The following TUSC3 variants were observed in gnomAD, a reference collection of about 807,000 sequenced individuals.
TUSC3 encodes the protein dolichyl-diphosphooligosaccharide--protein glycosyltransferase subunit TUSC3.
Under a neutral mutation model 44.8 loss-of-function variants are expected in TUSC3, and 45 were observed. The observed-to-expected ratio is 1.00, with a 90% CI of 0.79 to 1.29. The LOEUF is 1.29. Among genes scored for constraint, TUSC3 ranks in the 50% most tolerant of loss-of-function variants. The pLI is 0.00. For missense variants in TUSC3, 519 were observed against 437.9 expected, an observed-to-expected ratio of 1.19 and a Z score of -1.65; for synonymous variants, 212 against 152.9, an observed-to-expected ratio of 1.39 and a Z score of -2.85.
the TUSC3 span, among the ~76,000 whole-genome samples, chr8:15,779,098 C>CT: frequency 0.013 from 1,440 of 111,820 alleles, 9 homozygotes; most frequent in Middle Eastern, 0.02. Flanking sequence ...CGAATGTTTT[C>CT]TTTTTTTTTT....
intron 1 of TUSC3, among the ~76,000 whole-genome samples, chr8:15,608,496 G>T (rs755828623): frequency 2.0e-5 from 3 of 152,074 alleles, no homozygotes; most frequent in Non-Finnish European, 2.9e-5. Flanking sequence ...TTTCTTCGGA[G>T]ATTTTTACCT....
chr8:15,840,088 G>A, the TUSC3 span, among the ~76,000 whole-genome samples: 2 of 152,150 alleles, frequency 1.3e-5, no homozygotes, highest in Non-Finnish European at 2.9e-5. Flanking sequence ...GGACATGGAT[G>A]AAGCTGGAAA....
At chr8:15,476,302 T>C (rs1800574613) in intron 1 of TUSC3, among the ~76,000 whole-genome samples, 1 of 152,220 alleles carries the variant, frequency 6.6e-6, no homozygotes, top group Non-Finnish European at 1.5e-5. Flanking sequence ...ATGTCTTTTT[T>C]CTTAATGTGT....
downstream of TUSC3, among the ~76,000 whole-genome samples, chr8:15,768,029 T>C (rs189415495): frequency 6.6e-6 from 1 of 152,198 alleles, no homozygotes; most frequent in Non-Finnish European, 1.5e-5. Context: ...CTTGCTGATA[T>C]TAATATTTAC....
intron 6 of TUSC3, among the ~76,000 whole-genome samples, chr8:15,683,536 T>A (rs186820349): frequency 3.5e-4 from 53 of 152,182 alleles, no homozygotes; most frequent in Admixed American, 7.2e-4. Flanking sequence ...GTATTTCAAA[T>A]TTTGGATTGC....
the TUSC3 span, among the ~76,000 whole-genome samples, chr8:15,823,009 C>T: frequency 6.6e-6 from 1 of 151,982 alleles, no homozygotes; most frequent in East Asian, 1.9e-4. Context: ...CAATACTGTC[C>T]CCATCAAAGA....
At chr8:15,838,093 G>A in the TUSC3 span, among the ~76,000 whole-genome samples, 1 of 152,118 alleles carries the variant, frequency 6.6e-6, no homozygotes, top group Non-Finnish European at 1.5e-5. Flanking sequence ...CCCTCCAGTT[G>A]TATCAATAGA....
chr8:15,826,098 CAG>C, the TUSC3 span, among the ~76,000 whole-genome samples: 2 of 152,022 alleles, frequency 1.3e-5, no homozygotes, highest in African/African-American at 2.4e-5. Context: ...GAACTGAGCT[CAG>C]AGTTTCCAGT....
At chr8:15,443,549 C>T (rs1237407672) in intron 1 of TUSC3, among the ~76,000 whole-genome samples, 1 of 152,096 alleles carries the variant, frequency 6.6e-6, no homozygotes, top group African/African-American at 2.4e-5. Flanking sequence ...ATCCATCTTG[C>T]TTCTAACCTT....
At chr8:15,647,072 T>A (rs562618578) in intron 2 of TUSC3, among the ~76,000 whole-genome samples, 1 of 152,152 alleles carries the variant, frequency 6.6e-6, no homozygotes, top group Non-Finnish European at 1.5e-5. Context: ...CAAATTCTGT[T>A]GGCTATCGTT....
Position 15,766,074 on chromosome 8 carries a change from A to T in TUSC3, c.*1918A>T, listed in dbSNP as rs1218051598. Reference sequence around the variant, plus strand: ...TAAGATAGATAAGGAGTACTTTACTATACCATATTAGTAAAGGTTTTCTAG... The same window carrying T: ...TAAGATAGATAAGGAGTACTTTACTTTACCATATTAGTAAAGGTTTTCTAG... On this transcript the variant is annotated 3_prime_UTR_variant, in exon 11 of 11. Coordinates refer to ENST00000503731, the MANE Select transcript of TUSC3 (RefSeq NM_006765.4). 1.3e-5 allele frequency: 2 copies of T among 150,916 alleles called. No homozygotes were observed. The highest frequency in any genetic ancestry group is 4.8e-5 in the African/African-American group (2 of 41,400). 9.3% of individuals were successfully genotyped at this position (150,916 alleles called of 1,614,324 possible). A position where few individuals can be genotyped will look rare whatever the true frequency, so the allele number is the denominator to read the frequency against.
chr8:15,464,164 A>T (rs575105473), intron 1 of TUSC3, among the ~76,000 whole-genome samples: 3 of 152,324 alleles, frequency 2.0e-5, no homozygotes, highest in South Asian at 4.1e-4. Flanking sequence ...TCTTCCAGGT[A>T]AGATCCAGAG....
intron 1 of TUSC3, among the ~76,000 whole-genome samples, chr8:15,475,452 C>T (rs1458983050): frequency 6.6e-6 from 1 of 152,108 alleles, no homozygotes; most frequent in African/African-American, 2.4e-5. Context: ...TTATTCTTCC[C>T]ATCTTTCAGT....
At chr8:15,458,441 G>A (rs1800291877) in intron 1 of TUSC3, among the ~76,000 whole-genome samples, 1 of 152,092 alleles carries the variant, frequency 6.6e-6, no homozygotes, top group African/African-American at 2.4e-5. Flanking sequence ...GTTTCACCAT[G>A]TTGCGCAGGC....
At chr8:15,520,929 G>T (rs1801288635) in intron 2 of TUSC3, among the ~76,000 whole-genome samples, 1 of 152,202 alleles carries the variant, frequency 6.6e-6, no homozygotes, top group Non-Finnish European at 1.5e-5. Flanking sequence ...CCAAAGTGGA[G>T]CCTGAAATAA....
At chr8:15,748,574 T>C (rs527537222) in intron 9 of TUSC3, 109 bp downstream of exon 9, 1 of 1,071,932 alleles carries the variant, frequency 9.3e-7, no homozygotes, top group African/African-American at 1.5e-5. Context: ...GTGGTTTTTT[T>C]AAATTCAGTT....
At chr8:15,735,884 T>G in intron 7 of TUSC3, among the ~76,000 whole-genome samples, 1 of 37,014 alleles carries the variant, frequency 2.7e-5, no homozygotes, top group East Asian at 5.5e-4. Flanking sequence ...TTTTTTTTTG[T>G]TTTTTTGGTT....
chr8:15,847,123 G>C, the TUSC3 span, among the ~76,000 whole-genome samples: 2 of 152,232 alleles, frequency 1.3e-5, no homozygotes, highest in East Asian at 1.9e-4. Context: ...ATTTCAAAGA[G>C]ACTTCTGGGC....
chr8:15,645,007 A>G (rs1806561360), intron 2 of TUSC3, among the ~76,000 whole-genome samples: 1 of 152,124 alleles, frequency 6.6e-6, no homozygotes, highest in Non-Finnish European at 1.5e-5. Context: ...TGCAATGGAG[A>G]ATTTATGTGA....
Sources: gnomAD v4.1 joint callset for allele counts (sites outside exome capture counted in the v4.1 genomes callset) on GRCh38, gnomAD v4.1.1 for gene constraint, MANE v1.5 for transcripts, NCBI Gene and HGNC (gene_info 2026-07-23, HGNC 2026-07-21) for gene names.